LRRC4C: variants seen among roughly 807,000 people sequenced by gnomAD.
LRRC4C encodes the protein leucine-rich repeat-containing protein 4C.
Under a neutral mutation model 33.6 loss-of-function variants are expected in LRRC4C, and 5 were observed. The observed-to-expected ratio is 0.15, with a 90% CI of 0.08 to 0.31. The LOEUF (loss-of-function observed/expected upper bound fraction) is 0.31. LRRC4C is among the 10% of genes least tolerant of loss of function. The pLI, the probability that LRRC4C is intolerant of heterozygous loss-of-function variation, is 1.00. For missense variants in LRRC4C, 560 were observed against 796.7 expected (o/e 0.70, Z 3.58); for synonymous variants, 329 against 302.0 (o/e 1.09, Z -0.93).
chr11:40,229,894 A>G (rs555121322), intron 5 of LRRC4C, among the ~76,000 whole-genome samples: 139 of 152,340 alleles, frequency 9.1e-4, no homozygotes, highest in Middle Eastern at 3.4e-3. Flanking sequence ...GAGAACACTC[A>G]GAGACTCAGA....
At chr11:40,413,724 C>G (rs781243283) in intron 3 of LRRC4C, among the ~76,000 whole-genome samples, 29 of 152,102 alleles carry the variant, frequency 1.9e-4, no homozygotes, top group Non-Finnish European at 3.5e-4. Flanking sequence ...AATGTTGTTT[C>G]AAAGCCAGAA....
intron 3 of LRRC4C, among the ~76,000 whole-genome samples, chr11:40,487,794 G>A (rs545138006): frequency 2.0e-5 from 3 of 152,038 alleles, no homozygotes; most frequent in Admixed American, 1.3e-4. Context: ...AAGCTCCTGA[G>A]TGCAAGAATT....
At chr11:41,200,717 T>C (rs756949089) in intron 1 of LRRC4C, among the ~76,000 whole-genome samples, 18 of 152,220 alleles carry the variant, frequency 1.2e-4, no homozygotes, top group Non-Finnish European at 8.8e-5. Context: ...TGTTATTCTC[T>C]GTGGCCAAAA....
At chr11:41,020,509 A>G (rs1272823466) in intron 1 of LRRC4C, among the ~76,000 whole-genome samples, 1 of 152,102 alleles carries the variant, frequency 6.6e-6, no homozygotes, top group Non-Finnish European at 1.5e-5. Flanking sequence ...GGAGAATGCT[A>G]TGTGAAGAAA....
At chr11:40,198,840 C>G (rs571564983) in intron 5 of LRRC4C, among the ~76,000 whole-genome samples, 1 of 152,270 alleles carries the variant, frequency 6.6e-6, no homozygotes, top group Admixed American at 6.5e-5. Flanking sequence ...CATGGACACT[C>G]CCAGAAACTG....
intron 3 of LRRC4C, among the ~76,000 whole-genome samples, chr11:40,589,020 G>C (rs1282497905): frequency 6.6e-6 from 1 of 151,942 alleles, no homozygotes; most frequent in Non-Finnish European, 1.5e-5. Flanking sequence ...GAGTTCAATT[G>C]CTGGGTATCC....
intron 3 of LRRC4C, among the ~76,000 whole-genome samples, chr11:40,595,477 C>T (rs990791871): frequency 7.2e-5 from 11 of 152,074 alleles, no homozygotes; most frequent in African/African-American, 2.7e-4. Context: ...AACCAACATC[C>T]TTGGGAACCA....
intron 3 of LRRC4C, among the ~76,000 whole-genome samples, chr11:40,336,226 C>CT (rs1014750505): frequency 2.6e-5 from 4 of 152,130 alleles, no homozygotes; most frequent in Admixed American, 6.6e-5. Context: ...CCTCTCTCCT[C>CT]TTTTTTTCTT....
At chr11:40,760,798 T>TAC (rs776445689) in intron 2 of LRRC4C, among the ~76,000 whole-genome samples, 2,074 of 142,552 alleles carry the variant, frequency 0.015, 48 homozygotes, top group African/African-American at 0.048. Flanking sequence ...TATATATATA[T>TAC]ATACACACAC....
intron 2 of LRRC4C, among the ~76,000 whole-genome samples, chr11:40,859,574 T>G (rs979654994): frequency 6.6e-6 from 1 of 152,068 alleles, no homozygotes; most frequent in Non-Finnish European, 1.5e-5. Context: ...AATGACCATA[T>G]GACCCAGCAA....
At chr11:40,366,985 T>G (rs1948236824) in intron 3 of LRRC4C, among the ~76,000 whole-genome samples, 1 of 152,098 alleles carries the variant, frequency 6.6e-6, no homozygotes, top group Non-Finnish European at 1.5e-5. Flanking sequence ...CTACATCTGT[T>G]TCTGAGACAT....
chr11:41,180,935 C>T (rs185051118), intron 1 of LRRC4C, among the ~76,000 whole-genome samples: 2 of 152,050 alleles, frequency 1.3e-5, no homozygotes, highest in East Asian at 1.9e-4. Context: ...TAGATCTTAG[C>T]GCACATCCTC....
chr11:40,221,820 T>C (rs1864440307), intron 5 of LRRC4C, among the ~76,000 whole-genome samples: 2 of 152,078 alleles, frequency 1.3e-5, no homozygotes, highest in African/African-American at 2.4e-5. Flanking sequence ...ACGTACCCCC[T>C]GCTTGCTCAA....
At position 41,118,456 on chromosome 11, in the gene LRRC4C, T is replaced by C. The variant is rs955330182; in HGVS notation, c.-495-184733A>G. ...GCAGAATTTCTGTCTTGCTCTTTTCTTACACAAGCCAAAAGCTTAGAACAA... is the reference window on the plus strand; with the variant it reads ...GCAGAATTTCTGTCTTGCTCTTTTCCTACACAAGCCAAAAGCTTAGAACAA... On this transcript the variant is annotated intron_variant, in intron 1 of 6. Transcript: ENST00000528697. Among the ~76,000 whole-genome samples, 4 of 152,202 alleles carry C rather than the reference T, an allele frequency of 2.6e-5. No individual in the cohort carries two copies. The East Asian group carries it at 7.7e-4, about 29-fold the overall frequency.
At chr11:41,076,775 C>T (rs894236428) in intron 1 of LRRC4C, among the ~76,000 whole-genome samples, 2 of 152,162 alleles carry the variant, frequency 1.3e-5, no homozygotes, top group Non-Finnish European at 2.9e-5. Context: ...AAGGTCTTAA[C>T]TTATTCTGGT....
intron 2 of LRRC4C, among the ~76,000 whole-genome samples, chr11:40,881,640 T>G (rs1261683854): frequency 7.3e-6 from 1 of 136,522 alleles, no homozygotes; most frequent in Non-Finnish European, 1.6e-5. Flanking sequence ...TCATTTTTAA[T>G]GGCAGTTGTA....
intron 1 of LRRC4C, among the ~76,000 whole-genome samples, chr11:41,448,122 GTTTTTT>G (rs71063918): frequency 8.5e-5 from 4 of 46,948 alleles, no homozygotes; most frequent in East Asian, 5.0e-4. Context: ...GCACACGTCT[GTTTTTT>G]TTTTTTTTTT....
intron 2 of LRRC4C, among the ~76,000 whole-genome samples, chr11:40,653,506 G>T (rs761822178): frequency 2.0e-5 from 3 of 152,142 alleles, no homozygotes; most frequent in Admixed American, 1.3e-4. Context: ...ATGATTTAGG[G>T]TATCTGGCAG....
At chr11:40,478,290 A>C (rs1316315821) in intron 3 of LRRC4C, among the ~76,000 whole-genome samples, 1 of 152,220 alleles carries the variant, frequency 6.6e-6, no homozygotes, top group Non-Finnish European at 1.5e-5. Flanking sequence ...TAAAGGAATA[A>C]AATTCTCTGA....
Sources: allele counts gnomAD v4.1 joint callset (sites outside exome capture counted in the v4.1 genomes callset), GRCh38; gene constraint gnomAD v4.1.1; transcripts MANE v1.5; gene names NCBI Gene and HGNC (gene_info 2026-07-23, HGNC 2026-07-21).